NPEPL1: variants seen among roughly 807,000 people sequenced by gnomAD.
NPEPL1 encodes the protein aminopeptidase like 1, also known as probable aminopeptidase NPEPL1.
Under a neutral mutation model 52.4 loss-of-function variants are expected in NPEPL1, and 45 were observed. That is an observed-to-expected ratio of 0.86 (90% CI 0.68 to 1.10). The LOEUF (loss-of-function observed/expected upper bound fraction) is 1.10, where lower values mean the gene tolerates loss of function less well. NPEPL1 is among the 50% of genes least tolerant of loss of function. The probability of loss-of-function intolerance (pLI) is 0.00; values close to 1 mark genes in which losing one functional copy is unlikely to be tolerated. For synonymous variants in NPEPL1, 360 were observed against 314.7 expected (o/e 1.14, Z -1.52); for missense variants, 696 against 710.9 (o/e 0.98, Z 0.24).
rs1227306475 is a variant in NPEPL1 at position 58,692,964 on chromosome 20, C to T, written c.64C>T (p.Leu22=). 1.9e-5 allele frequency: 23 copies of T among 1,190,846 alleles called. No individual in the cohort carries two copies. Among genetic ancestry groups the T allele is most frequent in the Non-Finnish European group, 2.4e-5 (23 of 942,168 alleles). 73.8% of individuals were successfully genotyped at this position (1,190,846 alleles called of 1,614,324 possible). ...GGACTCGGACCCACAGAGCCGGCCC[C>T]TGCTGCTGCTCGGGCAGCTGCACCA... ...AGDSDPQSRP[L]LLLGQLHHLH... Residue 22 remains leucine, a synonymous_variant, in exon 1 of 12, where the codon CTG becomes TTG. Coordinates refer to ENST00000356091, the MANE Select transcript of NPEPL1 (RefSeq NM_024663.4). This position sits in a 1 kb window ranked among gnomAD's most constrained non-coding sequence, Gnocchi z 5.7.
chr20:58,700,958 G>A, intron 5 of NPEPL1, 58 bp from the exon 6 acceptor site: 1 of 1,381,370 alleles, frequency 7.2e-7, no homozygotes, highest in Non-Finnish European at 9.4e-7. Flanking sequence ...GGGGCCTCTG[G>A]GAGTTCCCCG....
chr20:58,707,507 G>A (rs1238910185), intron 7 of NPEPL1, among the ~76,000 whole-genome samples: 1 of 152,252 alleles, frequency 6.6e-6, no homozygotes, highest in African/African-American at 2.4e-5. Context: ...CTCATGGCAT[G>A]TGGCAGGCAG....
chr20:58,691,693 C>CTTTTTTTTTTTTTTTTTTTGTTTTTTTTT, upstream of NPEPL1: 1 of 561,314 alleles, frequency 1.8e-6, no homozygotes, highest in South Asian at 2.2e-5. Flanking sequence ...TTTTTCTTTT[C>CTTTTTTTTTTTTTTTTTTTGTTTTTTTTT]TTTTTTTTTT....
chr20:58,714,651 TTGCTGCACCGG>T lies in NPEPL1; in HGVS notation c.1398_1408del (p.Ala467CysfsTer3). 6.3e-7 allele frequency: 1 copy of T among 1,594,222 alleles called. No individual in the cohort carries two copies. Among genetic ancestry groups the T allele is most frequent in the Non-Finnish European group, 8.5e-7 (1 of 1,172,142 alleles). ...CCCGGAGTCTGGGTCCACCTGGACA[TTGCTGCACCGG>T]TGCATGCTGTGAGTGTCTCCCCTCC... On this transcript the variant is annotated frameshift_variant, in exon 11 of 12. Transcript: ENST00000356091. LOFTEE classifies it high-confidence loss of function.
chr20:58,706,181 G>GC (rs2084729710), intron 6 of NPEPL1, among the ~76,000 whole-genome samples: 3 of 152,290 alleles, frequency 2.0e-5, no homozygotes, highest in South Asian at 2.1e-4. Flanking sequence ...GAGAAGGGTG[G>GC]CCCCTCTTTA....
At chr20:58,691,207 TGA>T (rs574353971), upstream of NPEPL1, 1,327 of 702,534 alleles carry the variant, frequency 1.9e-3, 24 homozygotes, top group African/African-American at 0.021. Context: ...GAAAAAAGAG[TGA>T]GAGATCTTCA....
At chr20:58,691,586 C>T (rs949545262), upstream of NPEPL1, 6 of 631,092 alleles carry the variant, frequency 9.5e-6, no homozygotes, top group Middle Eastern at 3.3e-4. Flanking sequence ...TTGTGGCTCC[C>T]GGGGCTACAA....
chr20:58,704,795 C>A (rs2084705236), intron 6 of NPEPL1, among the ~76,000 whole-genome samples: 1 of 152,180 alleles, frequency 6.6e-6, no homozygotes, highest in Non-Finnish European at 1.5e-5. Flanking sequence ...ACATTCTTTG[C>A]TACTACACCA....
Position 58,693,778 on chromosome 20 carries a change from G to A in NPEPL1, c.192G>A (p.Thr64=), listed in dbSNP as rs755714373. 1.2e-6 allele frequency: 2 copies of A among 1,613,248 alleles called. No homozygotes were observed. The highest frequency in any genetic ancestry group is 1.7e-6 in the Non-Finnish European group (2 of 1,179,334). Residue 64 remains threonine (T), a synonymous_variant, in exon 2 of 12, where the codon ACG becomes ACA. Coordinates refer to ENST00000356091, the MANE Select transcript of NPEPL1 (RefSeq NM_024663.4). ...TGAGCACGCTCAACCCCAACCCCAC[G>A]GACAGCTGTCCCCTCTACCTGAACT... ...AALSTLNPNP[T]DSCPLYLNYA...
In NPEPL1 at chr20:58,713,474, C is replaced by T. The variant is rs779554766; in HGVS notation, c.1056C>T (p.Gly352=). 11 of 1,610,942 alleles carry T rather than the reference C, an allele frequency of 6.8e-6. No homozygotes were observed. Among genetic ancestry groups the T allele is most frequent in the South Asian group, 2.2e-5 (2 of 90,460 alleles). The change falls in exon 9 of 12, where the codon GGC becomes GGT. Residue 352 remains glycine, a synonymous_variant. Transcript: ENST00000356091. The surrounding 1 kb of genome is among the most constrained non-coding windows in gnomAD (Gnocchi z 4.6). ...AGGGCAGGCTGGTGCTGGCAGATGG[C>T]GTGTCCTATGCTTGCAAGGACCTGG... ...DAEGRLVLAD[G]VSYACKDLGA... is the part of the protein sequence containing the mutation.
At chr20:58,702,201 T>C (rs2084641465) in intron 6 of NPEPL1, among the ~76,000 whole-genome samples, 2 of 152,260 alleles carry the variant, frequency 1.3e-5, no homozygotes, top group South Asian at 4.1e-4. Context: ...CATCAAAGCC[T>C]GGATTTCCGG....
chr20:58,693,109 C>T (rs1453174482), intron 1 of NPEPL1, 59 bp downstream of exon 1: 1 of 977,236 alleles, frequency 1.0e-6, no homozygotes, highest in Admixed American at 6.3e-5. Flanking sequence ...CCCGGGCGGC[C>T]CGCGGAGGCC....
rs780020665 is a variant in NPEPL1, at chr20:58,713,736, G to A, written c.1126-181G>A. On this transcript the variant is annotated intron_variant, in intron 9 of 11. Transcript: ENST00000356091. The surrounding 1 kb of genome is among the most constrained non-coding windows in gnomAD (Gnocchi z 4.6). The stretch of plus-strand genomic sequence containing the variant: ...CGAGGCCCAGGCTGGATGCAGAGCC[G>A]GGAACCGCCTCCTGTGTGCTTCATG... 1.1e-5 allele frequency: 12 copies of A among 1,056,970 alleles called. No homozygotes were observed. In the South Asian group the frequency reaches 1.4e-4, roughly 12 times the overall value. The allele number at this position is 1,056,970 out of a possible 1,614,324, so 65.5% of individuals were successfully genotyped here.
intron 7 of NPEPL1, among the ~76,000 whole-genome samples, chr20:58,710,098 G>A (rs907653689): frequency 6.7e-6 from 1 of 149,276 alleles, no homozygotes; most frequent in African/African-American, 2.5e-5. Context: ...GTGTGCAGTG[G>A]TGCGATCTCG....
chr20:58,692,034 A>C, upstream of NPEPL1: 1 of 594,988 alleles, frequency 1.7e-6, no homozygotes, highest in Non-Finnish European at 3.0e-6. This position sits in a 1 kb window ranked among gnomAD's most constrained non-coding sequence, Gnocchi z 5.7. Context: ...GAGGTGACTC[A>C]GGTCACCCTG....
chr20:58,692,984 G>T lies in NPEPL1; in HGVS notation c.84G>T (p.Leu28=). The change falls in exon 1 of 12, where the codon CTG becomes CTT. Residue 28 remains leucine (L), a synonymous_variant. Coordinates refer to ENST00000356091, the MANE Select transcript of NPEPL1 (RefSeq NM_024663.4). This position sits in a 1 kb window ranked among gnomAD's most constrained non-coding sequence, Gnocchi z 5.7. Reference sequence around the variant, plus strand: ...GGCCCCTGCTGCTGCTCGGGCAGCTGCACCACCTGCACCGCGTGCCCTGGA... The same window carrying T: ...GGCCCCTGCTGCTGCTCGGGCAGCTTCACCACCTGCACCGCGTGCCCTGGA... ...QSRPLLLLGQ[L]HHLHRVPWSH... 1 of 1,173,598 alleles carries T rather than the reference G, an allele frequency of 8.5e-7. No individual in the cohort carries two copies. The highest frequency in any genetic ancestry group is 1.1e-6 in the Non-Finnish European group (1 of 932,136). 72.7% of individuals were successfully genotyped at this position (1,173,598 alleles called of 1,614,324 possible).
Position 58,713,603 on chromosome 20 carries a change from G to T in NPEPL1, c.1125+60G>T. 6.7e-7 allele frequency: 1 copy of T among 1,503,546 alleles called. No individual in the cohort carries two copies. The highest frequency in any genetic ancestry group is 1.3e-5 in the South Asian group (1 of 77,322). The allele number at this position is 1,503,546 out of a possible 1,614,324, so 93.1% of individuals were successfully genotyped here. A position where few individuals can be genotyped will look rare whatever the true frequency, so the allele number is the denominator to read the frequency against. Reference sequence around the variant, plus strand: ...TCCCAGGGAACCCCACCCCACTCTTGACCTCAAGGTGGGGAAGGCAGCGCG... The same window carrying T: ...TCCCAGGGAACCCCACCCCACTCTTTACCTCAAGGTGGGGAAGGCAGCGCG... On this transcript the variant is annotated intron_variant, in intron 9 of 11. Transcript: ENST00000356091. This position sits in a 1 kb window ranked among gnomAD's most constrained non-coding sequence, Gnocchi z 4.6.
upstream of NPEPL1, chr20:58,691,809 C>T: frequency 3.9e-6 from 6 of 1,546,472 alleles, no homozygotes; most frequent in Non-Finnish European, 5.2e-6. Context: ...AACCAAAGGC[C>T]CTTGAGCAAT....
At chr20:58,712,399 T>C (rs2084867286) in intron 7 of NPEPL1, 80 bp from the exon 8 acceptor site, 1 of 885,216 alleles carries the variant, frequency 1.1e-6, no homozygotes, top group Admixed American at 1.8e-5. Flanking sequence ...TGTCTGTGGG[T>C]CTGAGAACCC....
Sources: gnomAD v4.1 joint callset for allele counts (sites outside exome capture counted in the v4.1 genomes callset) on GRCh38, gnomAD v4.1.1 for gene constraint, Gnocchi (gnomAD v3.1) non-coding constraint, MANE v1.5 for transcripts, NCBI Gene and HGNC (gene_info 2026-07-23, HGNC 2026-07-21) for gene names.